SYNJ2: variants seen among roughly 807,000 people sequenced by gnomAD.
SYNJ2 encodes the protein polyphosphatidylinositol phosphatase SYNJ2.
In SYNJ2, 116 loss-of-function variants were observed where a neutral mutation model predicts 141.3. The ratio of observed to expected loss-of-function variants is 0.82; its 90% CI spans 0.71 to 0.96. The LOEUF (loss-of-function observed/expected upper bound fraction) is 0.96. Ranked by LOEUF, SYNJ2 falls within the 40% of genes least tolerant of loss-of-function variation. SYNJ2 has a pLI of 0.00. For missense variants in SYNJ2, 1,873 were observed against 1,934.8 expected, an observed-to-expected ratio of 0.97 and a Z score of 0.60; for synonymous variants, 745 against 777.7, an observed-to-expected ratio of 0.96 and a Z score of 0.70.
At chr6:158,017,412 T>A in intron 2 of SYNJ2, 122 bp downstream of exon 2, 1 of 1,249,880 alleles carries the variant, frequency 8.0e-7, no homozygotes, top group Non-Finnish European at 1.1e-6. Context: ...CTTCTTTTTT[T>A]TTTTTTTTTT....
rs1231945104 is a variant in SYNJ2, at chr6:158,040,039, G to A, written c.712-3277G>A. Among the ~76,000 whole-genome samples, 1 of 152,214 alleles carries A rather than the reference G, an allele frequency of 6.6e-6. No homozygotes were observed. Among genetic ancestry groups the A allele is most frequent in the African/African-American group, 2.4e-5 (1 of 41,446 alleles). ...GTGGGGACTCTTGGCAGGCGGATCGGCTTCTTAGGAATTAATTCTCAGGAA... is the reference window on the plus strand; with the variant it reads ...GTGGGGACTCTTGGCAGGCGGATCGACTTCTTAGGAATTAATTCTCAGGAA... On this transcript the variant is annotated intron_variant, in intron 4 of 26. Coordinates refer to ENST00000355585, the MANE Select transcript of SYNJ2 (RefSeq NM_003898.4). The surrounding 1 kb of genome is among the most constrained non-coding windows in gnomAD (Gnocchi z 4.2).
intron 1 of SYNJ2, among the ~76,000 whole-genome samples, chr6:157,985,982 T>C (rs985378975): frequency 1.3e-5 from 2 of 152,216 alleles, no homozygotes; most frequent in African/African-American, 2.4e-5. Context: ...TTAGCTTTGT[T>C]TGAATTGGTG....
At chr6:158,061,971 G>A (rs770099749) in intron 7 of SYNJ2, 21 bp from the exon 8 acceptor site, 78 of 1,610,402 alleles carry the variant, frequency 4.8e-5, no homozygotes, top group East Asian at 1.6e-4. Flanking sequence ...TCCCCTCACC[G>A]CCCTCCCCTC....
At chr6:158,022,071 C>G (rs548321805) in intron 2 of SYNJ2, among the ~76,000 whole-genome samples, 1 of 152,222 alleles carries the variant, frequency 6.6e-6, no homozygotes, top group Non-Finnish European at 1.5e-5. Context: ...GGCCCTGAGA[C>G]CATGCCGCAT....
intron 5 of SYNJ2, among the ~76,000 whole-genome samples, chr6:158,048,290 G>C (rs1214252889): frequency 6.6e-6 from 1 of 152,170 alleles, no homozygotes; most frequent in East Asian, 1.9e-4. Context: ...GGGTGAGGAA[G>C]AAGCACTCAG....
At chr6:158,073,635 G>A (rs955506594) in intron 15 of SYNJ2, among the ~76,000 whole-genome samples, 6 of 152,320 alleles carry the variant, frequency 3.9e-5, no homozygotes, top group African/African-American at 1.2e-4. Context: ...GTATCCATGT[G>A]GCCAGTGGCT....
chr6:158,050,266 C>A lies in SYNJ2; in HGVS notation c.796-4701C>A, dbSNP rs78721837. On this transcript the variant is annotated intron_variant, in intron 5 of 26. Coordinates refer to ENST00000355585, the MANE Select transcript of SYNJ2 (RefSeq NM_003898.4). ...GGCTTGTTAAAACACAGATTCCTGG[C>A]CCCACCCCTGGAGAGTCTGGCTCAG... Among the ~76,000 whole-genome samples the A allele has an allele frequency of 5.6e-3, 860 of 152,362 alleles. 6 individuals are homozygous for A. Among genetic ancestry groups the A allele is most frequent in the African/African-American group, 0.02 (813 of 41,588 alleles).
intron 5 of SYNJ2, among the ~76,000 whole-genome samples, chr6:158,045,099 C>CTTT (rs761042284): frequency 2.5e-4 from 28 of 112,282 alleles, no homozygotes; most frequent in Non-Finnish European, 3.8e-4. Context: ...AGGGGTCCTC[C>CTTT]TTTTTTTTTT....
intron 2 of SYNJ2, among the ~76,000 whole-genome samples, chr6:158,025,183 A>C (rs1271752354): frequency 2.0e-5 from 3 of 152,306 alleles, no homozygotes; most frequent in Non-Finnish European, 4.4e-5. Flanking sequence ...TTTTCTCTGC[A>C]TCTGACATGG....
At chr6:158,089,126 G>T (rs1311483788) in intron 24 of SYNJ2, among the ~76,000 whole-genome samples, 2 of 152,170 alleles carry the variant, frequency 1.3e-5, no homozygotes, top group African/African-American at 2.4e-5. Context: ...GGAAAATGAT[G>T]ATCATTCTGG....
rs1290988438 is a variant in SYNJ2, at chr6:158,027,253, C to A, written c.215-1503C>A. 2.1e-6 allele frequency: 2 copies of A among 956,344 alleles called. No individual in the cohort carries two copies. Among genetic ancestry groups the A allele is most frequent in the South Asian group, 4.8e-5 (1 of 20,668 alleles). 59.2% of individuals were successfully genotyped at this position (956,344 alleles called of 1,614,324 possible). A position where few individuals can be genotyped will look rare whatever the true frequency, so the allele number is the denominator to read the frequency against. On this transcript the variant is annotated intron_variant, in intron 2 of 26. Coordinates refer to ENST00000355585, the MANE Select transcript of SYNJ2 (RefSeq NM_003898.4). The surrounding 1 kb of genome is among the most constrained non-coding windows in gnomAD (Gnocchi z 4.6). ...TGGAGAGATCAGAACCATCTCCAGA[C>A]CATGGCTGTAGACAGCGGCCCTTGA...
intron 4 of SYNJ2, among the ~76,000 whole-genome samples, chr6:158,038,747 GC>G (rs1583377765): frequency 6.6e-6 from 1 of 152,248 alleles, no homozygotes; most frequent in East Asian, 1.9e-4. Context: ...GGCAGGTGAA[GC>G]TGGTCCTGCC....
chr6:158,068,013 T>G, intron 12 of SYNJ2: 1 of 984,886 alleles, frequency 1.0e-6, no homozygotes, highest in Middle Eastern at 5.2e-4. Context: ...AGGGGATTTT[T>G]TTGGGGTAGA....
chr6:158,056,600 G>A (rs1408842735), intron 6 of SYNJ2, among the ~76,000 whole-genome samples: 1 of 152,164 alleles, frequency 6.6e-6, no homozygotes, highest in Non-Finnish European at 1.5e-5. Flanking sequence ...CTGCCTAGTG[G>A]CCGCAGTGGG....
In SYNJ2 at chr6:158,028,777, T is replaced by C; in HGVS notation, c.236T>C (p.Leu79Pro). The change falls in exon 3 of 27, where the codon CTG (leucine) becomes CCG (proline). Residue 79 changes from leucine to proline, a missense_variant. By Grantham distance (98) the Leu-to-Pro change is moderately conservative. Coordinates refer to ENST00000355585, the MANE Select transcript of SYNJ2 (RefSeq NM_003898.4). ...CCAGGTGGCACGTCTCTGAGCTTCC[T>C]GGTGTTGGTGACAGGCTGCACATCT... The part of the protein sequence containing the change: ...LKSGGTSLSF[L>P]VLVTGCTSVG... 1 of 1,614,136 alleles carries C rather than the reference T, an allele frequency of 6.2e-7. No homozygotes were observed. Among genetic ancestry groups the C allele is most frequent in the Middle Eastern group, 1.7e-4 (1 of 6,060 alleles).
At chr6:158,092,882 T>C (rs1783554108) in intron 25 of SYNJ2, 44 bp from the exon 26 acceptor site, 3 of 1,520,858 alleles carry the variant, frequency 2.0e-6, no homozygotes, top group Non-Finnish European at 2.6e-6. Context: ...ATGCAGTGAA[T>C]TGCCTTGTCC....
chr6:158,015,534 A>C (rs1778421205), intron 1 of SYNJ2, among the ~76,000 whole-genome samples: 1 of 152,230 alleles, frequency 6.6e-6, no homozygotes, highest in Non-Finnish European at 1.5e-5. Context: ...TTAGGAAGGC[A>C]GGCAACAAAA....
chr6:157,984,898 G>A (rs1036874131), intron 1 of SYNJ2, among the ~76,000 whole-genome samples: 13 of 152,236 alleles, frequency 8.5e-5, no homozygotes, highest in African/African-American at 3.1e-4. Flanking sequence ...GTAATGAGAG[G>A]CTGAGAGACA....
chr6:158,000,994 T>G (rs980352375), intron 1 of SYNJ2: 4 of 152,476 alleles, frequency 2.6e-5, no homozygotes, highest in African/African-American at 9.7e-5. Flanking sequence ...CTACCCCTCC[T>G]CTGTCCCTGT....
Sources: gnomAD v4.1 joint callset for allele counts (sites outside exome capture counted in the v4.1 genomes callset) on GRCh38, gnomAD v4.1.1 for gene constraint, Gnocchi (gnomAD v3.1) non-coding constraint, MANE v1.5 for transcripts, NCBI Gene and HGNC (gene_info 2026-07-23, HGNC 2026-07-21) for gene names.